Variants in SLC2A9 observed in about 807,000 individuals in gnomAD.
SLC2A9 encodes the protein solute carrier family 2 member 9.
Under a neutral mutation model 50.6 loss-of-function variants are expected in SLC2A9, and 39 were observed. The observed-to-expected ratio is 0.77, with a 90% confidence interval of 0.60 to 1.01. The LOEUF (loss-of-function observed/expected upper bound fraction) is 1.01. Among genes scored for constraint, SLC2A9 ranks in the 50% least tolerant of loss-of-function variants. The probability of loss-of-function intolerance (pLI) is 0.00; values close to 1 mark genes in which losing one functional copy is unlikely to be tolerated. For missense variants in SLC2A9, 686 were observed against 677.6 expected (o/e 1.01, Z -0.14); for synonymous variants, 324 against 276.9 (o/e 1.17, Z -1.69).
chr4:9,839,411 T>C (rs1321305891), intron 10 of SLC2A9, among the ~76,000 whole-genome samples: 1 of 152,180 alleles, frequency 6.6e-6, no homozygotes, highest in Non-Finnish European at 1.5e-5. Context: ...TCAACCATTA[T>C]GGAAGACAGT....
intron 8 of SLC2A9, among the ~76,000 whole-genome samples, chr4:9,903,681 T>C (rs1228958365): frequency 6.6e-6 from 1 of 151,946 alleles, no homozygotes; most frequent in African/African-American, 2.4e-5. Context: ...ATGAAAAAAA[T>C]TGGAAAGTCT....
chr4:9,811,862 A>C (rs189289468), intron 3 of SLC2A9, among the ~76,000 whole-genome samples: 3 of 152,288 alleles, frequency 2.0e-5, no homozygotes, highest in Admixed American at 1.3e-4. Flanking sequence ...CATCTTGAGA[A>C]ACTGAAGAAT....
At chr4:9,867,173 C>T (rs899337390) in intron 10 of SLC2A9, among the ~76,000 whole-genome samples, 1 of 152,242 alleles carries the variant, frequency 6.6e-6, no homozygotes. Flanking sequence ...TGTCATGTAA[C>T]TACATCTCAT....
chr4:10,014,220 G>T (rs1394540213), intron 2 of SLC2A9, among the ~76,000 whole-genome samples: 1 of 152,138 alleles, frequency 6.6e-6, no homozygotes, highest in African/African-American at 2.4e-5. Context: ...GGAGAAGAGA[G>T]AATTCGAGGT....
chr4:10,030,434 A>G (rs1024789097), intron 1 of SLC2A9, among the ~76,000 whole-genome samples: 5 of 152,244 alleles, frequency 3.3e-5, no homozygotes, highest in African/African-American at 1.2e-4. Context: ...AGAATGTACA[A>G]TACCAAGAGT....
intron 4 of SLC2A9, among the ~76,000 whole-genome samples, 159 bp downstream of exon 4, chr4:9,985,510 G>A (rs1190335691): frequency 6.6e-6 from 1 of 152,152 alleles, no homozygotes; most frequent in African/African-American, 2.4e-5. Context: ...CATCCCACAG[G>A]ACTGTCCCAC....
intron 10 of SLC2A9, among the ~76,000 whole-genome samples, chr4:9,854,549 T>C (rs184156141): frequency 1.3e-4 from 20 of 152,284 alleles, no homozygotes; most frequent in Admixed American, 1.3e-3. Flanking sequence ...GCTGGTACTA[T>C]TCCTACCAAA....
intron 1 of SLC2A9, 21 bp from the exon 2 acceptor site, chr4:10,019,094 G>T: frequency 6.5e-7 from 1 of 1,546,982 alleles, no homozygotes; most frequent in Non-Finnish European, 8.7e-7. Context: ...AGGAAACCAC[G>T]TCAGAGCCGG....
chr4:9,866,238 ATAT>A (rs892639210), intron 10 of SLC2A9, among the ~76,000 whole-genome samples: 61 of 151,090 alleles, frequency 4.0e-4, no homozygotes, highest in African/African-American at 1.2e-3. Context: ...ATTATTATTA[ATAT>A]TATTATTATT....
chr4:9,909,735 T>C (rs1741345124), intron 7 of SLC2A9, among the ~76,000 whole-genome samples: 1 of 152,272 alleles, frequency 6.6e-6, no homozygotes, highest in Non-Finnish European at 1.5e-5. Context: ...AGCCATTTCT[T>C]TAAAACCAAG....
At chr4:9,864,742 C>T (rs1021008282) in intron 10 of SLC2A9, among the ~76,000 whole-genome samples, 4 of 152,220 alleles carry the variant, frequency 2.6e-5, no homozygotes, top group African/African-American at 9.7e-5. Flanking sequence ...CCATTTTCTT[C>T]CTGTCCTTGT....
Position 9,985,813 on chromosome 4 carries a change from T to G in SLC2A9, c.411-20A>C, listed in dbSNP as rs1756616063. On this transcript the variant is annotated intron_variant, in intron 3 of 11. Coordinates refer to ENST00000264784, the MANE Select transcript of SLC2A9 (RefSeq NM_020041.3). ...TGCTTCCTGGAAAGAAAGGAAAGAT[T>G]TGATGAAGATGTCTAACCATGAGGC... 3.7e-6 allele frequency: 6 copies of G among 1,613,894 alleles called. No homozygotes were observed. In the East Asian group the frequency reaches 1.3e-4, roughly 36 times the overall value.
intron 6 of SLC2A9, among the ~76,000 whole-genome samples, chr4:9,940,861 C>A (rs1322349615): frequency 1.3e-5 from 2 of 152,206 alleles, no homozygotes; most frequent in African/African-American, 4.8e-5. Flanking sequence ...ATTCTCAAGT[C>A]TTTTCCTGGA....
intron 1 of SLC2A9, among the ~76,000 whole-genome samples, chr4:10,034,064 C>T (rs1338185785): frequency 6.6e-6 from 1 of 152,252 alleles, no homozygotes; most frequent in African/African-American, 2.4e-5. Context: ...CTGAGCCAGT[C>T]CTGACATATA....
intron 1 of SLC2A9, among the ~76,000 whole-genome samples, chr4:10,029,521 C>T (rs1206377649): frequency 2.0e-5 from 3 of 151,196 alleles, no homozygotes; most frequent in Non-Finnish European, 4.4e-5. Flanking sequence ...AAGCCAGGCT[C>T]CTTGTTGGAC....
chr4:9,780,879 G>A (rs958211516), intron 3 of SLC2A9, among the ~76,000 whole-genome samples: 1 of 152,096 alleles, frequency 6.6e-6, no homozygotes, highest in Non-Finnish European at 1.5e-5. Flanking sequence ...GGTTGAAAAA[G>A]AGAAAGGCTG....
intron 3 of SLC2A9, among the ~76,000 whole-genome samples, chr4:9,988,006 C>A (rs1009175512): frequency 6.6e-6 from 1 of 152,244 alleles, no homozygotes; most frequent in Non-Finnish European, 1.5e-5. Context: ...GAGATAGCAG[C>A]CACTGGGAGA....
chr4:9,835,377 C>T (rs1726870405), intron 10 of SLC2A9, among the ~76,000 whole-genome samples: 2 of 152,092 alleles, frequency 1.3e-5, no homozygotes, highest in Admixed American at 1.3e-4. Context: ...GTGCCCAGAC[C>T]AGGACCTAGG....
chr4:10,022,101 A>G (rs1578381525), upstream of SLC2A9, among the ~76,000 whole-genome samples: 1 of 152,160 alleles, frequency 6.6e-6, no homozygotes, highest in Non-Finnish European at 1.5e-5. Context: ...AGCCTCCCAA[A>G]GTGCTGGAAT....
Sources: gnomAD v4.1 joint callset for allele counts (sites outside exome capture counted in the v4.1 genomes callset) on GRCh38, gnomAD v4.1.1 for gene constraint, MANE v1.5 for transcripts, NCBI Gene and HGNC (gene_info 2026-07-23, HGNC 2026-07-21) for gene names.